The following LMBRD1 variants were observed in gnomAD, a reference collection of about 807,000 sequenced individuals.
LMBRD1 encodes LMBR1 domain containing 1.
Under a neutral mutation model 74.8 loss-of-function variants are expected in LMBRD1, and 64 were observed. The observed-to-expected ratio is 0.86, with a 90% confidence interval of 0.70 to 1.05. The LOEUF (loss-of-function observed/expected upper bound fraction) is 1.05, where lower values mean the gene tolerates loss of function less well. LMBRD1 is among the 50% of genes least tolerant of loss of function. The pLI is 0.00. For missense variants in LMBRD1, 652 were observed against 645.9 expected (o/e 1.01, Z -0.10); for synonymous variants, 204 against 216.3 (o/e 0.94, Z 0.50).
At chr6:69,716,565 G>C (rs942619837) in intron 8 of LMBRD1, among the ~76,000 whole-genome samples, 5 of 152,046 alleles carry the variant, frequency 3.3e-5, no homozygotes, top group Non-Finnish European at 7.4e-5. Context: ...GCCTACAGAT[G>C]TTATGTGCAC....
chr6:69,772,690 A>C (rs904676123), intron 3 of LMBRD1, among the ~76,000 whole-genome samples: 1 of 152,202 alleles, frequency 6.6e-6, no homozygotes, highest in Non-Finnish European at 1.5e-5. Flanking sequence ...TATCTTATCA[A>C]ACAAGATTTT....
chr6:69,752,137 C>A, intron 4 of LMBRD1, 122 bp downstream of exon 4: 4 of 856,990 alleles, frequency 4.7e-6, no homozygotes, highest in Non-Finnish European at 7.2e-6. Flanking sequence ...TTTAATTTAG[C>A]TAACATTGTA....
chr6:69,696,818 T>C (rs1208879598), intron 14 of LMBRD1, among the ~76,000 whole-genome samples: 7 of 152,164 alleles, frequency 4.6e-5, no homozygotes. Flanking sequence ...AATTTGTGTT[T>C]TTCATAATGG....
At chr6:69,763,233 A>T (rs201870921) in intron 3 of LMBRD1, among the ~76,000 whole-genome samples, 5 of 118,786 alleles carry the variant, frequency 4.2e-5, no homozygotes, top group African/African-American at 1.7e-4. Context: ...AAAAGAAAAA[A>T]GAAAAAAAAA....
At chr6:69,708,655 A>C (rs898299209) in intron 9 of LMBRD1, among the ~76,000 whole-genome samples, 1 of 151,792 alleles carries the variant, frequency 6.6e-6, no homozygotes, top group Non-Finnish European at 1.5e-5. Flanking sequence ...ATGGGAACAA[A>C]AAAAAAAATC....
At chr6:69,688,896 GTT>G (rs1765822396) in intron 14 of LMBRD1, among the ~76,000 whole-genome samples, 3 of 152,016 alleles carry the variant, frequency 2.0e-5, no homozygotes, top group Non-Finnish European at 2.9e-5. Flanking sequence ...AACATACAAA[GTT>G]AGATCATTAC....
chr6:69,696,147 G>A (rs1765992463), intron 14 of LMBRD1, among the ~76,000 whole-genome samples: 1 of 152,152 alleles, frequency 6.6e-6, no homozygotes, highest in African/African-American at 2.4e-5. Context: ...ATTAATCAAA[G>A]TACTCAGTAA....
At chr6:69,678,985 A>G (rs995196339) in intron 14 of LMBRD1, among the ~76,000 whole-genome samples, 2 of 151,516 alleles carry the variant, frequency 1.3e-5, no homozygotes, top group African/African-American at 4.8e-5. Flanking sequence ...GTACTTCAAC[A>G]TTTACTTCTG....
chr6:69,703,216 A>G (rs1766171799), intron 9 of LMBRD1, among the ~76,000 whole-genome samples: 1 of 152,102 alleles, frequency 6.6e-6, no homozygotes. Context: ...TAGAGGGTAT[A>G]AAGGAGTTAT....
At chr6:69,696,767 C>CT (rs1279634721) in intron 14 of LMBRD1, among the ~76,000 whole-genome samples, 2 of 152,126 alleles carry the variant, frequency 1.3e-5, no homozygotes. Context: ...TCCTAATACT[C>CT]TATTACATTA....
intron 14 of LMBRD1, among the ~76,000 whole-genome samples, chr6:69,680,301 T>G (rs890652125): frequency 1.3e-5 from 2 of 152,196 alleles, no homozygotes; most frequent in Non-Finnish European, 2.9e-5. Flanking sequence ...ACTTTCTCAA[T>G]ACTGCTAATG....
intron 3 of LMBRD1, among the ~76,000 whole-genome samples, chr6:69,761,919 A>C (rs914076361): frequency 6.6e-6 from 1 of 152,220 alleles, no homozygotes; most frequent in African/African-American, 2.4e-5. Context: ...TCCTTCACTT[A>C]GCACAGGGGT....
chr6:69,729,340 C>T (rs1479482284), intron 7 of LMBRD1, among the ~76,000 whole-genome samples: 2 of 151,224 alleles, frequency 1.3e-5, no homozygotes, highest in African/African-American at 4.9e-5. Context: ...AATTATAACG[C>T]ATAGGTATAT....
intron 2 of LMBRD1, among the ~76,000 whole-genome samples, chr6:69,784,594 A>C (rs1040093891): frequency 1.3e-5 from 2 of 152,194 alleles, no homozygotes; most frequent in Non-Finnish European, 2.9e-5. Context: ...CATAACAAAG[A>C]ATTATCCAAG....
intron 9 of LMBRD1, among the ~76,000 whole-genome samples, chr6:69,713,111 GC>G (rs746504069): frequency 1.3e-5 from 2 of 151,750 alleles, no homozygotes; most frequent in Non-Finnish European, 2.9e-5. Context: ...AGAATAGAGA[GC>G]CTAGAAATAA....
At chr6:69,757,641 T>C (rs1765295458) in intron 3 of LMBRD1, among the ~76,000 whole-genome samples, 2 of 152,196 alleles carry the variant, frequency 1.3e-5, no homozygotes, top group South Asian at 2.1e-4. Context: ...GTTGAGTTTA[T>C]ATATCTGTAA....
At position 69,676,117 on chromosome 6, in the gene LMBRD1, A is replaced by G. The variant is rs1213870125; in HGVS notation, c.*41T>C. 2 of 1,476,052 alleles carry G rather than the reference A, an allele frequency of 1.4e-6. No individual in the cohort carries two copies. The highest frequency in any genetic ancestry group is 3.4e-5 in the Admixed American group (2 of 59,590). 91.4% of individuals were successfully genotyped at this position (1,476,052 alleles called of 1,614,324 possible). On this transcript the variant is annotated 3_prime_UTR_variant, in exon 16 of 16. Transcript: ENST00000649934. ...TTAATACTTTAAAAATGCATAACAG[A>G]TATTCAGTCAGCATTATAAAACCTT...
At chr6:69,711,889 T>C (rs1199224337) in intron 9 of LMBRD1, among the ~76,000 whole-genome samples, 1 of 152,084 alleles carries the variant, frequency 6.6e-6, no homozygotes, top group Admixed American at 6.6e-5. Context: ...GCTACATAGG[T>C]AAACTTGCGT....
intron 5 of LMBRD1, among the ~76,000 whole-genome samples, chr6:69,742,218 A>T (rs1489308220): frequency 1.3e-5 from 2 of 152,180 alleles, no homozygotes; most frequent in East Asian, 3.8e-4. Context: ...TCCACAAAAA[A>T]GGTTAAGGAC....
Sources: gnomAD v4.1 joint callset for allele counts (sites outside exome capture counted in the v4.1 genomes callset) on GRCh38, gnomAD v4.1.1 for gene constraint, MANE v1.5 for transcripts, NCBI Gene and HGNC (gene_info 2026-07-23, HGNC 2026-07-21) for gene names.